The following PHACTR1 variants were observed in gnomAD, a reference collection of about 807,000 sequenced individuals.
PHACTR1 encodes RPEL repeat containing 1.
In PHACTR1, 16 loss-of-function variants were observed where a neutral mutation model predicts 69.2. That is an observed-to-expected ratio of 0.23 (90% CI 0.16 to 0.35). The LOEUF (loss-of-function observed/expected upper bound fraction) is 0.35. Among genes scored for constraint, PHACTR1 ranks in the 10% least tolerant of loss-of-function variants. PHACTR1 has a pLI of 1.00. For missense variants in PHACTR1, 510 were observed against 734.7 expected (o/e 0.69, Z 3.54); for synonymous variants, 312 against 284.5 (o/e 1.10, Z -0.97).
chr6:13,273,074 C>T (rs1027737672), intron 11 of PHACTR1, 159 bp downstream of exon 11: 51 of 1,114,186 alleles, frequency 4.6e-5, no homozygotes, highest in South Asian at 2.0e-4. Context: ...ACACCAAAGA[C>T]GACCTCCCCA....
chr6:13,272,806 G>C, intron 10 of PHACTR1, 54 bp from the exon 11 acceptor site: 1 of 1,613,998 alleles, frequency 6.2e-7, no homozygotes, highest in Non-Finnish European at 8.5e-7. Context: ...GGAAATTAAT[G>C]ACCCAAGGAG....
intron 5 of PHACTR1, among the ~76,000 whole-genome samples, chr6:13,155,123 C>G (rs1338103405): frequency 6.6e-6 from 1 of 152,158 alleles, no homozygotes; most frequent in Admixed American, 6.6e-5. Flanking sequence ...ATGTTGGCTT[C>G]TGATTAACCC....
chr6:13,136,352 C>A (rs528563609), intron 5 of PHACTR1, among the ~76,000 whole-genome samples: 180 of 152,328 alleles, frequency 1.2e-3, no homozygotes, highest in African/African-American at 3.4e-3. Flanking sequence ...TCAAACTCTG[C>A]TGGTTTTAGA....
intron 5 of PHACTR1, among the ~76,000 whole-genome samples, chr6:13,150,306 C>T (rs942045484): frequency 3.3e-5 from 5 of 152,158 alleles, no homozygotes; most frequent in African/African-American, 7.2e-5. Flanking sequence ...TGCACCACTG[C>T]ATTCCAGCCT....
At chr6:13,274,861 C>T (rs1315568279) in intron 11 of PHACTR1, 1 of 152,148 alleles carries the variant, frequency 6.6e-6, no homozygotes, top group African/African-American at 2.4e-5. Context: ...CACATAGTTG[C>T]AAATTAAAGA....
At position 13,128,681 on chromosome 6, in the gene PHACTR1, G is replaced by A. The variant is rs568070167; in HGVS notation, c.416-31523G>A. On this transcript the variant is annotated intron_variant, in intron 5 of 14. Transcript: ENST00000332995. ...AAATCACCAAACCTAAGAATAATTG[G>A]CATTCCCTGAGGAAGAAGAGAAATC... Among the ~76,000 whole-genome samples, 39 of 152,080 alleles carry A rather than the reference G, an allele frequency of 2.6e-4. 2 individuals carry two copies. The South Asian group carries it at 7.9e-3, about 31-fold the overall frequency.
At position 12,938,099 on chromosome 6, in the gene PHACTR1, G is replaced by C. The variant is rs146755750; in HGVS notation, c.251-115266G>C. On this transcript the variant is annotated intron_variant, in intron 4 of 14. Coordinates refer to ENST00000332995, the MANE Select transcript of PHACTR1 (RefSeq NM_030948.6). The stretch of plus-strand genomic sequence containing the variant: ...TGGGAAACAGAGTGAGACTCAGTCT[G>C]AAAAACAAACAAAACAGAATCCTTT... Among the ~76,000 whole-genome samples the C allele has an allele frequency of 4.0e-3, 612 of 151,930 alleles. 3 individuals carry two copies. The highest frequency in any genetic ancestry group is 0.014 in the African/African-American group (590 of 41,428).
intron 4 of PHACTR1, among the ~76,000 whole-genome samples, chr6:12,956,003 A>G (rs772781773): frequency 5.9e-5 from 9 of 152,322 alleles, no homozygotes; most frequent in Non-Finnish European, 1.3e-4. Flanking sequence ...ACATATTTTA[A>G]CATGAAAATA....
intron 11 of PHACTR1, chr6:13,274,287 A>T (rs966733711): frequency 3.3e-5 from 5 of 152,182 alleles, no homozygotes; most frequent in Non-Finnish European, 7.4e-5. Flanking sequence ...GGTCTCTAGG[A>T]ATGTGTGTTT....
chr6:12,979,605 C>A (rs775048577), intron 4 of PHACTR1, among the ~76,000 whole-genome samples: 1 of 151,928 alleles, frequency 6.6e-6, no homozygotes, highest in Non-Finnish European at 1.5e-5. Context: ...TTTGGTGTAA[C>A]TTTGTAGCAT....
chr6:13,064,164 T>A (rs9381653), intron 5 of PHACTR1, among the ~76,000 whole-genome samples: 37,131 of 151,872 alleles, frequency 0.24, 5,749 homozygotes, highest in East Asian at 0.51. Context: ...GGTTAGCAGG[T>A]GGTTGATTAT....
intron 4 of PHACTR1, among the ~76,000 whole-genome samples, chr6:12,780,758 G>A (rs1572002): frequency 0.44 from 67,052 of 152,030 alleles, 15,571 homozygotes; most frequent in African/African-American, 0.55. Context: ...CTGTTTTGGA[G>A]TGTGATCCCA....
At chr6:13,168,391 C>A (rs1380513474) in intron 6 of PHACTR1, among the ~76,000 whole-genome samples, 1 of 152,154 alleles carries the variant, frequency 6.6e-6, no homozygotes, top group South Asian at 2.1e-4. Context: ...CTATCCCAAA[C>A]CTAAAGAATT....
chr6:12,968,673 G>C (rs1324741370), intron 4 of PHACTR1, among the ~76,000 whole-genome samples: 1 of 152,152 alleles, frequency 6.6e-6, no homozygotes, highest in South Asian at 2.1e-4. Flanking sequence ...GACTTTTGTT[G>C]TGTGGATTCT....
At chr6:12,966,341 C>A (rs902917435) in intron 4 of PHACTR1, among the ~76,000 whole-genome samples, 1 of 152,174 alleles carries the variant, frequency 6.6e-6, no homozygotes, top group Non-Finnish European at 1.5e-5. Context: ...GACTATTATA[C>A]CCATGTTACA....
In PHACTR1 at chr6:13,179,699, TAGAGATAGATAG is replaced by T. The variant is rs1006850806; in HGVS notation, c.497-2818_497-2807del. 8.3e-5 allele frequency among the ~76,000 whole-genome samples: 8 copies of T among 96,240 alleles called. No homozygotes were observed. Among genetic ancestry groups the T allele is most frequent in the East Asian group, 3.0e-4 (1 of 3,330 alleles). The allele number at this position is 96,240 out of a possible 152,430, so 63.1% of individuals were successfully genotyped here. On this transcript the variant is annotated intron_variant, in intron 6 of 14. Transcript: ENST00000332995. The surrounding 1 kb of genome is among the most constrained non-coding windows in gnomAD (Gnocchi z 4.2). ...GTAGGTAGGTAGATAGATAAGTAGA[TAGAGATAGATAG>T]ATAGATAGATAGATAGATAGATAGA...
intron 6 of PHACTR1, among the ~76,000 whole-genome samples, chr6:13,169,353 G>A (rs1196506447): frequency 6.6e-6 from 1 of 152,178 alleles, no homozygotes; most frequent in African/African-American, 2.4e-5. Flanking sequence ...AAACTCAAGG[G>A]AGATCTGGGC....
Position 13,076,025 on chromosome 6 carries a change from A to ATTTTTTTTTTTTTTT in PHACTR1, c.415+22497_415+22498insTTTTTTTTTTTTTTT, listed in dbSNP as rs1449439163. On this transcript the variant is annotated intron_variant, in intron 5 of 14. Coordinates refer to ENST00000332995, the MANE Select transcript of PHACTR1 (RefSeq NM_030948.6). ...TTTGAAAAAAACAATGCAAGGGAGC[A>ATTTTTTTTTTTTTTT]TCTTTTTTTTTTTTTTTTCTGGTTG... is the stretch of plus-strand genomic sequence containing the variant. Among the ~76,000 whole-genome samples the ATTTTTTTTTTTTTTT allele has an allele frequency of 1.7e-5, 2 of 115,550 alleles. 1 individual carries two copies. 75.8% of individuals were successfully genotyped at this position (115,550 alleles called of 152,430 possible). A position where few individuals can be genotyped will look rare whatever the true frequency, so the allele number is the denominator to read the frequency against.
At chr6:13,067,499 A>G (rs1467574219) in intron 5 of PHACTR1, among the ~76,000 whole-genome samples, 1 of 152,216 alleles carries the variant, frequency 6.6e-6, no homozygotes, top group Non-Finnish European at 1.5e-5. Flanking sequence ...AAAAACTGAC[A>G]CTGGAAGCCA....
Sources: gnomAD v4.1 joint callset for allele counts (sites outside exome capture counted in the v4.1 genomes callset) on GRCh38, gnomAD v4.1.1 for gene constraint, Gnocchi (gnomAD v3.1) non-coding constraint, MANE v1.5 for transcripts, NCBI Gene and HGNC (gene_info 2026-07-23, HGNC 2026-07-21) for gene names.